ADIPOR2: variants seen among roughly 807,000 people sequenced by gnomAD.
The protein encoded by ADIPOR2 is adiponectin receptor 2, also known as adiponectin receptor protein 2.
A neutral mutation model predicts 40.9 loss-of-function variants in ADIPOR2; 18 were observed. That is an observed-to-expected ratio of 0.44 (90% confidence interval 0.30 to 0.65). The LOEUF (loss-of-function observed/expected upper bound fraction) is 0.65. ADIPOR2 is among the 30% of genes least tolerant of loss of function. ADIPOR2 has a pLI of 0.09. For missense variants in ADIPOR2, 283 were observed against 479.2 expected, an observed-to-expected ratio of 0.59 and a Z score of 3.82; for synonymous variants, 165 against 166.4, an observed-to-expected ratio of 0.99 and a Z score of 0.06.
intron 2 of ADIPOR2, among the ~76,000 whole-genome samples, chr12:1,763,920 AG>A (rs1862322152): frequency 6.6e-6 from 1 of 152,226 alleles, no homozygotes; most frequent in African/African-American, 2.4e-5. Flanking sequence ...TCGAGGCTGC[AG>A]TGAGCCATGA....
intron 1 of ADIPOR2, among the ~76,000 whole-genome samples, chr12:1,754,009 A>G (rs574546353): frequency 4.1e-4 from 62 of 152,328 alleles, no homozygotes; most frequent in African/African-American, 1.5e-3. Flanking sequence ...GAACATATGC[A>G]CTTACATATA....
In ADIPOR2 at chr12:1,785,961, G is replaced by A; in HGVS notation, c.1050G>A (p.Leu350=). The change falls in exon 8 of 8, where the codon CTG becomes CTA. Residue 350 remains leucine, a synonymous_variant. Coordinates refer to ENST00000357103, the MANE Select transcript of ADIPOR2 (RefSeq NM_024551.3). ...CCCTCCAGTTTCACTCTCATCAGCT[G>A]TTTCATATCTTTGTGGTTGCTGGAG... The part of the protein sequence containing the change: ...KCDIWFHSHQ[L]FHIFVVAGAF... The A allele has an allele frequency of 6.2e-7, 1 of 1,614,106 alleles. No individual in the cohort carries two copies. The highest frequency in any genetic ancestry group is 1.3e-5 in the African/African-American group (1 of 75,014).
At chr12:1,734,617 T>C (rs2094726732) in intron 1 of ADIPOR2, among the ~76,000 whole-genome samples, 1 of 152,200 alleles carries the variant, frequency 6.6e-6, no homozygotes, top group African/African-American at 2.4e-5. Flanking sequence ...TTAGTTTAAT[T>C]AGATCCCATT....
intron 1 of ADIPOR2, among the ~76,000 whole-genome samples, chr12:1,706,880 C>T (rs539758649): frequency 3.3e-5 from 5 of 152,232 alleles, no homozygotes; most frequent in Admixed American, 2.6e-4. Flanking sequence ...ATTTCCATCA[C>T]TTTGAGAGGC....
intron 1 of ADIPOR2, among the ~76,000 whole-genome samples, chr12:1,752,001 G>A (rs7961845): frequency 0.067 from 9,890 of 148,054 alleles, 848 homozygotes; most frequent in African/African-American, 0.2. Context: ...TCTGCCTCCC[G>A]GGTTCGAGCA....
At chr12:1,692,085 A>ATTTT (rs2094628281) in intron 1 of ADIPOR2, among the ~76,000 whole-genome samples, 1 of 26,090 alleles carries the variant, frequency 3.8e-5, no homozygotes, top group African/African-American at 8.9e-5. Flanking sequence ...CCAAAAGCAG[A>ATTTT]CTTTTTTTTT....
intron 2 of ADIPOR2, among the ~76,000 whole-genome samples, chr12:1,759,420 A>G (rs1468247641): frequency 6.6e-6 from 1 of 152,230 alleles, no homozygotes; most frequent in Non-Finnish European, 1.5e-5. Context: ...CCAATCATGA[A>G]TAAGGATCAA....
chr12:1,780,837 G>A, intron 5 of ADIPOR2, 52 bp from the exon 6 acceptor site: 1 of 1,487,632 alleles, frequency 6.7e-7, no homozygotes, highest in Admixed American at 2.2e-5. Context: ...ACCTGTAGTG[G>A]CCAGTAGTTT....
intron 1 of ADIPOR2, among the ~76,000 whole-genome samples, chr12:1,737,909 G>A (rs540384632): frequency 6.6e-6 from 1 of 152,058 alleles, no homozygotes; most frequent in Non-Finnish European, 1.5e-5. Context: ...TCCAATTTAA[G>A]ATTTTGTCCA....
At position 1,750,403 on chromosome 12, in the gene ADIPOR2, TAA is replaced by T. The variant is rs35910957; in HGVS notation, c.-86-3840_-86-3839del. 2.8e-3 allele frequency among the ~76,000 whole-genome samples: 374 copies of T among 135,358 alleles called. 2 individuals carry two copies. The highest frequency in any genetic ancestry group is 0.02 in the East Asian group (92 of 4,650). 88.8% of individuals were successfully genotyped at this position (135,358 alleles called of 152,430 possible). ...GCGAGACTCCATCACTACAAGAAAT[TAA>T]AAAAAAAAAAAAAAGGCCAGGTATG... On this transcript the variant is annotated intron_variant, in intron 1 of 7. Coordinates refer to ENST00000357103, the MANE Select transcript of ADIPOR2 (RefSeq NM_024551.3).
At chr12:1,726,161 A>G (rs1371080195) in intron 1 of ADIPOR2, among the ~76,000 whole-genome samples, 1 of 152,200 alleles carries the variant, frequency 6.6e-6, no homozygotes, top group Non-Finnish European at 1.5e-5. Context: ...CTTTTGAGGT[A>G]TGAACTGAAG....
At chr12:1,721,407 G>T (rs973388329) in intron 1 of ADIPOR2, among the ~76,000 whole-genome samples, 2 of 151,826 alleles carry the variant, frequency 1.3e-5, no homozygotes, top group African/African-American at 2.4e-5. Context: ...GTACAGATGG[G>T]GTTTCACCAT....
At chr12:1,773,621 A>G (rs188443212) in intron 3 of ADIPOR2, among the ~76,000 whole-genome samples, 3 of 152,080 alleles carry the variant, frequency 2.0e-5, no homozygotes, top group East Asian at 1.9e-4. Flanking sequence ...AATCAGATCA[A>G]TAAGGGCCCT....
chr12:1,725,040 A>G (rs567581502), intron 1 of ADIPOR2, among the ~76,000 whole-genome samples: 1 of 152,322 alleles, frequency 6.6e-6, no homozygotes, highest in East Asian at 1.9e-4. Context: ...GCTATACACA[A>G]TACAGCAGTA....
intron 6 of ADIPOR2, among the ~76,000 whole-genome samples, chr12:1,781,629 G>A (rs1862722221): frequency 6.6e-6 from 1 of 152,126 alleles, no homozygotes; most frequent in Non-Finnish European, 1.5e-5. Flanking sequence ...CATAGAGAAA[G>A]CCACAAGCCC....
intron 2 of ADIPOR2, among the ~76,000 whole-genome samples, chr12:1,767,012 G>A (rs1203307326): frequency 2.0e-5 from 3 of 152,004 alleles, no homozygotes; most frequent in Non-Finnish European, 2.9e-5. Flanking sequence ...GCTCACGCCC[G>A]TAATCCCAGC....
At position 1,786,064 on chromosome 12, in the gene ADIPOR2, G is replaced by T. The variant is rs139431821; in HGVS notation, c.1153G>T (p.Ala385Ser). 2.4e-3 allele frequency: 3,798 copies of T among 1,613,774 alleles called. 16 individuals carry two copies. The highest frequency in any genetic ancestry group is 8.4e-3 in the South Asian group (766 of 91,056). The change falls in exon 8 of 8, where the codon GCA (alanine) becomes TCA (serine). Residue 385 changes from alanine to serine, a missense_variant. Physicochemically the swap from Ala to Ser is moderately conservative, Grantham distance 99. Around this residue, in one of 3 missense-constraint regions of ADIPOR2, gnomAD observed 106 missense variants for 149.7 expected, o/e 0.71. Transcript: ENST00000357103. ...CGGCGGGGGCTGCAGTGAAGAGGATGCACTGTGATACCTACCAGTCTCCAG... is the reference window on the plus strand; with the variant it reads ...CGGCGGGGGCTGCAGTGAAGAGGATTCACTGTGATACCTACCAGTCTCCAG... ...MIGGGCSEED[A>S]L
At chr12:1,747,391 AAAAACACAGCATACC>A (rs529042393) in intron 1 of ADIPOR2, among the ~76,000 whole-genome samples, 1,938 of 139,400 alleles carry the variant, frequency 0.014, 17 homozygotes, top group Admixed American at 0.021. Context: ...ATATCGAGAC[AAAAACACAGCATACC>A]AAAACTTAGG....
intron 3 of ADIPOR2, among the ~76,000 whole-genome samples, chr12:1,777,179 TAACACC>T (rs1862611336): frequency 6.7e-6 from 1 of 149,400 alleles, no homozygotes; most frequent in African/African-American, 2.5e-5. Flanking sequence ...ATGTTCATAT[TAACACC>T]ACAGGGATTT....
Sources: allele counts gnomAD v4.1 joint callset (sites outside exome capture counted in the v4.1 genomes callset), GRCh38; gene constraint gnomAD v4.1.1; regional missense constraint gnomAD v4.1.1; transcripts MANE v1.5; gene names NCBI Gene and HGNC (gene_info 2026-07-23, HGNC 2026-07-21).